Variants in ANXA10 observed in about 807,000 individuals in gnomAD.
ANXA10 encodes annexin A10, also known as annexin 14.
A neutral mutation model predicts 53.5 loss-of-function variants in ANXA10; 49 were observed. That is an observed-to-expected ratio of 0.92 (90% CI 0.73 to 1.16). The LOEUF is 1.16. Among genes scored for constraint, ANXA10 ranks in the 50% most tolerant of loss-of-function variants. The probability of loss-of-function intolerance (pLI) is 0.00; values close to 1 mark genes in which losing one functional copy is unlikely to be tolerated. For missense variants in ANXA10, 393 were observed against 394.4 expected (o/e 1.00, Z 0.03); for synonymous variants, 131 against 128.9 (o/e 1.02, Z -0.11).
chr4:168,167,783 C>A (rs1160475995), intron 6 of ANXA10, among the ~76,000 whole-genome samples: 2 of 152,162 alleles, frequency 1.3e-5, no homozygotes, highest in Non-Finnish European at 2.9e-5. Context: ...TCCTTGCTCC[C>A]TCATTTATGC....
chr4:168,179,160 A>G (rs1732189300), intron 8 of ANXA10, 57 bp from the exon 9 acceptor site: 1 of 1,046,516 alleles, frequency 9.6e-7, no homozygotes. Context: ...GTAACAATCT[A>G]ATATTTGTAT....
chr4:168,101,125 C>T (rs1278580863), intron 1 of ANXA10, among the ~76,000 whole-genome samples: 1 of 151,946 alleles, frequency 6.6e-6, no homozygotes, highest in Non-Finnish European at 1.5e-5. Context: ...TCCCTTGGTG[C>T]TGTTCTCATG....
rs61179704 is a variant in ANXA10, at chr4:168,153,422, C to CAAAAAAAAAAAAAAAAAAAAA, written c.196-9087_196-9086insAAAAAAAAAAAAAAAAAAAAA. On this transcript the variant is annotated intron_variant, in intron 3 of 11. Transcript: ENST00000359299. The stretch of plus-strand genomic sequence containing the variant: ...GCTTCAAGCTGCTAAAAGCCTAAAG[C>CAAAAAAAAAAAAAAAAAAAAA]AAAAAAAAAAAAAAAAAAACAAAAA... 2.5e-4 allele frequency among the ~76,000 whole-genome samples: 11 copies of CAAAAAAAAAAAAAAAAAAAAA among 43,502 alleles called. 1 individual carries two copies. Among genetic ancestry groups the CAAAAAAAAAAAAAAAAAAAAA allele is most frequent in the Non-Finnish European group, 4.1e-4 (8 of 19,332 alleles). The allele number at this position is 43,502 out of a possible 152,430, so 28.5% of individuals were successfully genotyped here. A position where few individuals can be genotyped will look rare whatever the true frequency, so the allele number is the denominator to read the frequency against.
chr4:168,143,170 A>G (rs1731352690), intron 3 of ANXA10, among the ~76,000 whole-genome samples: 1 of 152,042 alleles, frequency 6.6e-6, no homozygotes, highest in Admixed American at 6.6e-5. Flanking sequence ...TTCTCCGACC[A>G]TCAGTAAGGT....
intron 3 of ANXA10, among the ~76,000 whole-genome samples, chr4:168,155,580 T>C (rs1578921416): frequency 1.6e-5 from 1 of 63,712 alleles, no homozygotes; most frequent in Admixed American, 2.9e-4. Context: ...TAATTATATA[T>C]TATAAATATA....
intron 3 of ANXA10, among the ~76,000 whole-genome samples, chr4:168,140,514 T>C (rs575500881): frequency 1.3e-5 from 2 of 152,376 alleles, no homozygotes; most frequent in South Asian, 4.1e-4. Context: ...ATGTTCCACC[T>C]ACACCAGTAC....
chr4:168,126,629 C>T (rs369673754), intron 1 of ANXA10, among the ~76,000 whole-genome samples: 1 of 152,092 alleles, frequency 6.6e-6, no homozygotes, highest in Non-Finnish European at 1.5e-5. Flanking sequence ...CTCTTCCCCC[C>T]ACACCTTCTT....
chr4:168,099,504 A>C (rs1000723983), intron 1 of ANXA10, among the ~76,000 whole-genome samples: 2 of 152,136 alleles, frequency 1.3e-5, no homozygotes, highest in African/African-American at 4.8e-5. Context: ...GAAAAGGGTT[A>C]GATTCATGAA....
chr4:168,125,895 A>C (rs895710090), intron 1 of ANXA10, among the ~76,000 whole-genome samples: 1 of 152,154 alleles, frequency 6.6e-6, no homozygotes, highest in Non-Finnish European at 1.5e-5. Context: ...TTCTTATGTA[A>C]CTAGAAGCAA....
chr4:168,159,468 T>G (rs1296858461), intron 3 of ANXA10, among the ~76,000 whole-genome samples: 1 of 152,210 alleles, frequency 6.6e-6, no homozygotes, highest in Non-Finnish European at 1.5e-5. Context: ...AGGATTTACT[T>G]TACCCCTTCC....
At chr4:168,184,734 C>G in intron 11 of ANXA10, 53 bp downstream of exon 11, 1 of 1,598,796 alleles carries the variant, frequency 6.3e-7, no homozygotes, top group Non-Finnish European at 8.5e-7. Flanking sequence ...CTTTTTGAAA[C>G]TGAGATAAAA....
intron 2 of ANXA10, among the ~76,000 whole-genome samples, chr4:168,129,783 C>T (rs1302047409): frequency 6.6e-6 from 1 of 152,140 alleles, no homozygotes; most frequent in Non-Finnish European, 1.5e-5. Context: ...ATTTACTCAT[C>T]ATCTATAAAA....
Position 168,122,111 on chromosome 4 carries a change from A to T in ANXA10, c.19-5973A>T, listed in dbSNP as rs895944090. On this transcript the variant is annotated intron_variant, in intron 1 of 11. Coordinates refer to ENST00000359299, the MANE Select transcript of ANXA10 (RefSeq NM_007193.5). ...CCACCTCGCCTCCCAAAGTGCTGGG[A>T]TTACTGGCGTGAGCCACCGCCCCCG... 2.2e-4 allele frequency among the ~76,000 whole-genome samples: 33 copies of T among 152,100 alleles called. 1 individual carries two copies. Among genetic ancestry groups the T allele is most frequent in the African/African-American group, 8.0e-4 (33 of 41,404 alleles).
intron 2 of ANXA10, among the ~76,000 whole-genome samples, chr4:168,131,015 T>C (rs1402643723): frequency 1.3e-5 from 2 of 151,962 alleles, no homozygotes; most frequent in Non-Finnish European, 2.9e-5. Flanking sequence ...CTCTAATCTT[T>C]CTTTTCTTCT....
At chr4:168,144,349 G>C (rs930090909) in intron 3 of ANXA10, among the ~76,000 whole-genome samples, 3 of 152,064 alleles carry the variant, frequency 2.0e-5, no homozygotes, top group Non-Finnish European at 4.4e-5. Flanking sequence ...ACCACGCCCA[G>C]CTAATTTTTG....
At chr4:168,110,734 C>G (rs1730794993) in intron 1 of ANXA10, among the ~76,000 whole-genome samples, 1 of 151,818 alleles carries the variant, frequency 6.6e-6, no homozygotes, top group Non-Finnish European at 1.5e-5. Flanking sequence ...TGCAAACTGG[C>G]TTTACTTTAA....
intron 1 of ANXA10, chr4:168,113,288 A>C (rs1157448658): frequency 1.3e-5 from 2 of 151,882 alleles, no homozygotes; most frequent in Non-Finnish European, 2.9e-5. Context: ...GTGAGAGCCC[A>C]GTCTCTGCTT....
At chr4:168,152,579 C>T (rs1232078830) in intron 3 of ANXA10, among the ~76,000 whole-genome samples, 1 of 151,822 alleles carries the variant, frequency 6.6e-6, no homozygotes, top group African/African-American at 2.4e-5. Flanking sequence ...ACATTTTGAG[C>T]AGAGGAGTAA....
At chr4:168,162,417 T>C (rs1560786773) in intron 3 of ANXA10, 111 bp from the exon 4 acceptor site, 1 of 752,728 alleles carries the variant, frequency 1.3e-6, no homozygotes, top group Non-Finnish European at 2.3e-6. Flanking sequence ...TGTTATGCTG[T>C]TATTATTAAA....
Sources: gnomAD v4.1 joint callset for allele counts (sites outside exome capture counted in the v4.1 genomes callset) on GRCh38, gnomAD v4.1.1 for gene constraint, MANE v1.5 for transcripts, NCBI Gene and HGNC (gene_info 2026-07-23, HGNC 2026-07-21) for gene names.